CTPS2: variants seen among roughly 807,000 people sequenced by gnomAD.
The protein encoded by CTPS2 is CTP synthase II.
A neutral mutation model predicts 46.8 loss-of-function variants in CTPS2; 19 were observed. That is an observed-to-expected ratio of 0.41 (90% CI 0.28 to 0.60). The LOEUF is 0.60. Ranked by LOEUF, CTPS2 falls within the 20% of genes least tolerant of loss-of-function variation. CTPS2 has a pLI of 0.35. For synonymous variants in CTPS2, 151 were observed against 165.2 expected, an observed-to-expected ratio of 0.91 and a Z score of 0.66; for missense variants, 286 against 447.6, an observed-to-expected ratio of 0.64 and a Z score of 3.26.
intron 16 of CTPS2, 59 bp from the exon 17 acceptor site, chrX:16,609,744 G>C (rs953603783): frequency 2.9e-5 from 31 of 1,081,107 alleles, no homozygotes; most frequent in Admixed American, 7.9e-5. Context: ...CTGCTTTAAA[G>C]ATCTTCTTAT....
rs1333403911 is a variant in CTPS2 at position 16,678,411 on chromosome X, C to T, written c.1045G>A (p.Glu349Lys). Reference protein sequence around the residue: ...SIDLEKITETEDPVKFHEAWQ... With the variant: ...SIDLEKITETKDPVKFHEAWQ... ...GCTTCATGAAATTTCACAGGGTCCT[C>T]GGTTTCAGTGATCTTCTCCAGATCA... is the stretch of plus-strand genomic sequence containing the variant. The change falls in exon 10 of 19, where the codon GAG becomes AAG. Residue 349 changes from glutamate to lysine, a missense_variant. Coordinates refer to ENST00000359276, the MANE Select transcript of CTPS2 (RefSeq NM_175859.3). The T allele has an allele frequency of 2.5e-6, 3 of 1,203,735 alleles. No homozygotes were observed. Among genetic ancestry groups the T allele is most frequent in the South Asian group, 1.8e-5 (1 of 56,135 alleles).
At chrX:16,596,346 C>T (rs935607484) in intron 17 of CTPS2, among the ~76,000 whole-genome samples, 2 of 103,691 alleles carry the variant, frequency 1.9e-5, no homozygotes, top group Non-Finnish European at 3.9e-5. Flanking sequence ...CCCCCCTCCC[C>T]CTAACCCACA....
intron 17 of CTPS2, among the ~76,000 whole-genome samples, chrX:16,599,520 A>T (rs1263074267): frequency 1.1e-5 from 1 of 92,198 alleles, no homozygotes; most frequent in African/African-American, 4.3e-5. Flanking sequence ...CTTGTTGCCC[A>T]GGCTGGAGTG....
chrX:16,622,401 T>A (rs1930889105), intron 14 of CTPS2, among the ~76,000 whole-genome samples: 1 of 103,147 alleles, frequency 9.7e-6, no homozygotes, highest in Non-Finnish European at 2.0e-5. Flanking sequence ...CAGAGCGAGA[T>A]GCTGTCTCAA....
At chrX:16,639,504 C>T (rs747626510) in intron 13 of CTPS2, among the ~76,000 whole-genome samples, 10 of 110,586 alleles carry the variant, frequency 9.0e-5, no homozygotes, top group African/African-American at 3.0e-4. Flanking sequence ...TGATGTCCCT[C>T]CTGCCATTAC....
intron 10 of CTPS2, among the ~76,000 whole-genome samples, chrX:16,671,928 T>C (rs775717027): frequency 6.3e-5 from 7 of 111,175 alleles, no homozygotes; most frequent in Admixed American, 9.6e-5. Flanking sequence ...ATGGGGTGCA[T>C]ATACCCAGGT....
At chrX:16,592,841 C>T (rs1928983594) in intron 17 of CTPS2, among the ~76,000 whole-genome samples, 2 of 111,320 alleles carry the variant, frequency 1.8e-5, no homozygotes, top group African/African-American at 6.5e-5. Context: ...TATGGAATGC[C>T]CTGATTACCT....
chrX:16,666,168 C>A (rs1921162816), intron 13 of CTPS2, among the ~76,000 whole-genome samples: 1 of 112,284 alleles, frequency 8.9e-6, no homozygotes, highest in South Asian at 3.6e-4. Flanking sequence ...AGGTGCCCAG[C>A]AGCAGGGACA....
chrX:16,682,818 C>A (rs1370894025), intron 9 of CTPS2, among the ~76,000 whole-genome samples: 1 of 112,078 alleles, frequency 8.9e-6, no homozygotes, highest in East Asian at 2.8e-4. Flanking sequence ...TCACAACTCA[C>A]TGGACTCTAC....
intron 17 of CTPS2, among the ~76,000 whole-genome samples, chrX:16,608,697 T>C (rs1453053368): frequency 9.0e-6 from 1 of 111,630 alleles, no homozygotes; most frequent in Non-Finnish European, 1.9e-5. Context: ...TGATTTATAA[T>C]AATGCTATGA....
intron 8 of CTPS2, among the ~76,000 whole-genome samples, chrX:16,686,350 T>C (rs1291044060): frequency 9.0e-6 from 1 of 111,713 alleles, no homozygotes; most frequent in Non-Finnish European, 1.9e-5. Flanking sequence ...CCTACAAATA[T>C]ATACACCTAC....
intron 10 of CTPS2, among the ~76,000 whole-genome samples, chrX:16,672,173 T>G (rs750318523): frequency 7.2e-5 from 8 of 111,343 alleles, no homozygotes; most frequent in Non-Finnish European, 1.3e-4. Flanking sequence ...TCTCTTTGGA[T>G]TATTCTGCCT....
chrX:16,698,990 C>T lies in CTPS2; in HGVS notation c.270G>A (p.Thr90=), dbSNP rs760763215. The change falls in exon 3 of 19, where the codon ACG becomes ACA. Residue 90 remains threonine, a synonymous_variant. Coordinates refer to ENST00000359276, the MANE Select transcript of CTPS2 (RefSeq NM_175859.3). ...INLYKDNNIT[T]GKIYQHVINK... ...TGATCACATGCTGATATATCTTCCCCGTGGTGATATTGTTGTCTTTATAAA... is the reference window on the plus strand; with the variant it reads ...TGATCACATGCTGATATATCTTCCCTGTGGTGATATTGTTGTCTTTATAAA... 12 of 1,196,940 alleles carry T rather than the reference C, an allele frequency of 1.0e-5. No individual in the cohort carries two copies. The South Asian group carries it at 1.3e-4, about 13-fold the overall frequency.
chrX:16,629,532 AT>A (rs111513935), intron 14 of CTPS2, among the ~76,000 whole-genome samples: 9,792 of 102,144 alleles, frequency 0.096, 780 homozygotes, highest in African/African-American at 0.26. Flanking sequence ...TCAGTCGAGG[AT>A]TTTTTTTTTT....
chrX:16,706,868 AAAACAAAC>A (rs1272491664), intron 1 of CTPS2, among the ~76,000 whole-genome samples: 1 of 107,717 alleles, frequency 9.3e-6, no homozygotes, highest in Non-Finnish European at 1.9e-5. Context: ...TCTCAAAAAA[AAAACAAAC>A]AAACAAACAA....
At chrX:16,599,467 C>CT (rs1009319649) in intron 17 of CTPS2, among the ~76,000 whole-genome samples, 20 of 94,541 alleles carry the variant, frequency 2.1e-4, no homozygotes, top group African/African-American at 6.6e-4. Flanking sequence ...TTTTCTTTTT[C>CT]TTTTTTTTCT....
At position 16,643,956 on chromosome X, in the gene CTPS2, T is replaced by G. The variant is rs1250312064; in HGVS notation, c.1297-4713A>C. On this transcript the variant is annotated intron_variant, in intron 13 of 18. Coordinates refer to ENST00000359276, the MANE Select transcript of CTPS2 (RefSeq NM_175859.3). ...TCCAGTTCCCCTTACTGCCTCATAA[T>G]TAATGCCATTGTTATGCTCAGCCTA... Among the ~76,000 whole-genome samples, 5 of 111,442 alleles carry G rather than the reference T, an allele frequency of 4.5e-5. No homozygotes were observed. In the Admixed American group the frequency reaches 4.8e-4, roughly 11 times the overall value.
At chrX:16,708,347 C>G (rs1163778383) in intron 1 of CTPS2, among the ~76,000 whole-genome samples, 1 of 110,815 alleles carries the variant, frequency 9.0e-6, no homozygotes, top group Non-Finnish European at 1.9e-5. Flanking sequence ...CCTGGGCCTA[C>G]CTTTCTCTAC....
intron 14 of CTPS2, among the ~76,000 whole-genome samples, chrX:16,632,219 T>C (rs1931508018): frequency 9.0e-6 from 1 of 111,489 alleles, no homozygotes; most frequent in Non-Finnish European, 1.9e-5. Flanking sequence ...GGAGGATTGC[T>C]GGAGGCCAGG....
Sources: gnomAD v4.1 joint callset for allele counts (sites outside exome capture counted in the v4.1 genomes callset) on GRCh38, gnomAD v4.1.1 for gene constraint, MANE v1.5 for transcripts, NCBI Gene and HGNC (gene_info 2026-07-23, HGNC 2026-07-21) for gene names.